ARHGAP24: variants seen among roughly 807,000 people sequenced by gnomAD.
The protein encoded by ARHGAP24 is rho GTPase-activating protein 24.
ARHGAP24 carries 50 observed loss-of-function variants against 76.4 expected under a neutral mutation model. The observed-to-expected ratio is 0.65, with a 90% CI of 0.52 to 0.83. The LOEUF (loss-of-function observed/expected upper bound fraction) is 0.83, where lower values mean the gene tolerates loss of function less well. ARHGAP24 is among the 40% of genes least tolerant of loss of function. The pLI is 0.00. For missense variants in ARHGAP24, 930 were observed against 914.2 expected, an observed-to-expected ratio of 1.02 and a Z score of -0.22; for synonymous variants, 345 against 323.3, an observed-to-expected ratio of 1.07 and a Z score of -0.72.
At chr4:85,761,386 C>T (rs1453756406) in intron 3 of ARHGAP24, among the ~76,000 whole-genome samples, 1 of 152,150 alleles carries the variant, frequency 6.6e-6, no homozygotes, top group Non-Finnish European at 1.5e-5. Flanking sequence ...TCATCTCTCA[C>T]CATTCACTGG....
intron 2 of ARHGAP24, among the ~76,000 whole-genome samples, chr4:85,625,283 G>A (rs1365058958): frequency 2.0e-5 from 3 of 151,970 alleles, no homozygotes; most frequent in Non-Finnish European, 2.9e-5. Flanking sequence ...CTTTGTTCTC[G>A]TTGGTTTCAA....
At chr4:85,781,539 A>G (rs577722332) in intron 3 of ARHGAP24, among the ~76,000 whole-genome samples, 2 of 149,102 alleles carry the variant, frequency 1.3e-5, no homozygotes, top group East Asian at 2.0e-4. Flanking sequence ...CATTGTGAAG[A>G]CTTTTGTATT....
At chr4:85,691,388 G>A (rs563206177) in intron 2 of ARHGAP24, among the ~76,000 whole-genome samples, 1 of 152,266 alleles carries the variant, frequency 6.6e-6, no homozygotes, top group Non-Finnish European at 1.5e-5. Context: ...CCAAGTTTAA[G>A]TCTAGAATCT....
In ARHGAP24 at chr4:85,538,501, G is replaced by A. The variant is rs77941232; in HGVS notation, c.-20-32021G>A. On this transcript the variant is annotated intron_variant, in intron 1 of 9. Coordinates refer to ENST00000395184, the MANE Select transcript of ARHGAP24 (RefSeq NM_001025616.3). Reference sequence around the variant, plus strand: ...ACTATACTTATTATGGTGTGCAATGGCCTCCAAGTGCCCCTCTGTAAGACA... The same window carrying A: ...ACTATACTTATTATGGTGTGCAATGACCTCCAAGTGCCCCTCTGTAAGACA... Among the ~76,000 whole-genome samples the A allele has an allele frequency of 6.4e-4, 98 of 152,158 alleles. No homozygotes were observed. In the East Asian group the frequency reaches 0.01, roughly 16 times the overall value.
intron 3 of ARHGAP24, among the ~76,000 whole-genome samples, chr4:85,811,963 G>C (rs559060762): frequency 4.6e-5 from 7 of 152,104 alleles, no homozygotes; most frequent in African/African-American, 1.7e-4. Flanking sequence ...ATCACCTAAG[G>C]TCAGGAGTTT....
intron 2 of ARHGAP24, among the ~76,000 whole-genome samples, chr4:85,603,364 G>A (rs73832882): frequency 0.017 from 2,651 of 152,208 alleles, 75 homozygotes; most frequent in African/African-American, 0.06. Flanking sequence ...TAGCTGTGAC[G>A]CACTTACCAT....
At chr4:85,873,500 T>G (rs1278216729) in intron 3 of ARHGAP24, among the ~76,000 whole-genome samples, 2 of 152,174 alleles carry the variant, frequency 1.3e-5, no homozygotes, top group Admixed American at 1.3e-4. Context: ...TTTACAAGGC[T>G]GAATAAGACA....
chr4:85,660,487 A>C (rs12640073), intron 2 of ARHGAP24, among the ~76,000 whole-genome samples: 142,994 of 152,210 alleles, frequency 0.94, 67,247 homozygotes, highest in African/African-American at 0.98. Flanking sequence ...AGGGAGAGGA[A>C]TTGGCTGAAT....
At chr4:85,645,804 T>C (rs1202079222) in intron 2 of ARHGAP24, among the ~76,000 whole-genome samples, 1 of 152,118 alleles carries the variant, frequency 6.6e-6, no homozygotes, top group Non-Finnish European at 1.5e-5. Flanking sequence ...GAAAAATATA[T>C]ATATGATAGC....
At chr4:85,596,014 T>TA (rs1487006191) in intron 2 of ARHGAP24, among the ~76,000 whole-genome samples, 12 of 151,974 alleles carry the variant, frequency 7.9e-5, no homozygotes, top group Admixed American at 7.9e-4. Context: ...TGCATGTAGA[T>TA]ACGTTCATCA....
At chr4:85,729,941 C>T (rs1425781648) in intron 3 of ARHGAP24, among the ~76,000 whole-genome samples, 1 of 152,150 alleles carries the variant, frequency 6.6e-6, no homozygotes, top group Non-Finnish European at 1.5e-5. Flanking sequence ...AGATGAAATA[C>T]TGATATAAAT....
intron 1 of ARHGAP24, among the ~76,000 whole-genome samples, chr4:85,531,046 G>A (rs577193458): frequency 6.6e-6 from 1 of 152,104 alleles, no homozygotes; most frequent in East Asian, 1.9e-4. Flanking sequence ...TTTTGTGTGT[G>A]TGCATGAAAT....
At chr4:85,560,193 T>TC (rs1442269016) in intron 1 of ARHGAP24, among the ~76,000 whole-genome samples, 3 of 152,032 alleles carry the variant, frequency 2.0e-5, no homozygotes, top group African/African-American at 7.2e-5. Context: ...TTGTCTTTTT[T>TC]ATTTGTCCTT....
chr4:85,936,457 C>T (rs184660669), intron 4 of ARHGAP24, among the ~76,000 whole-genome samples: 1 of 152,028 alleles, frequency 6.6e-6, no homozygotes, highest in African/African-American at 2.4e-5. Flanking sequence ...GTCCTTTATA[C>T]CTGGGACCCA....
chr4:85,884,215 T>G (rs1490229500), intron 3 of ARHGAP24, among the ~76,000 whole-genome samples: 1 of 152,126 alleles, frequency 6.6e-6, no homozygotes, highest in African/African-American at 2.4e-5. Flanking sequence ...TTTCAAAGAA[T>G]TTTTGCTCTA....
chr4:85,740,451 G>T (rs532365602), intron 3 of ARHGAP24, among the ~76,000 whole-genome samples: 63 of 152,114 alleles, frequency 4.1e-4, no homozygotes, highest in African/African-American at 1.5e-3. Flanking sequence ...TCGAACTCCT[G>T]ACCTCAAGTC....
At position 85,944,290 on chromosome 4, in the gene ARHGAP24, C is replaced by T. The variant is rs377690605; in HGVS notation, c.599+2017C>T. On this transcript the variant is annotated intron_variant, in intron 5 of 9. Coordinates refer to ENST00000395184, the MANE Select transcript of ARHGAP24 (RefSeq NM_001025616.3). Reference sequence around the variant, plus strand: ...ATAAATACTTTCTATTTTTGGATTACTTAGGATAAATTCTTAGCATTGGAG... The same window carrying T: ...ATAAATACTTTCTATTTTTGGATTATTTAGGATAAATTCTTAGCATTGGAG... 1.6e-4 allele frequency among the ~76,000 whole-genome samples: 25 copies of T among 152,266 alleles called. 1 individual carries two copies. The East Asian group carries it at 3.1e-3, about 19-fold the overall frequency.
intron 5 of ARHGAP24, among the ~76,000 whole-genome samples, chr4:85,964,731 CTGT>C (rs768970127): frequency 6.9e-4 from 105 of 152,130 alleles, no homozygotes; most frequent in East Asian, 3.9e-4. Context: ...TTTGAGGAGT[CTGT>C]TGTTTAGAAG....
intron 3 of ARHGAP24, 129 bp downstream of exon 3, chr4:85,722,101 G>A (rs1724967316): frequency 1.2e-6 from 1 of 827,124 alleles, no homozygotes; most frequent in East Asian, 2.7e-5. Flanking sequence ...GGTTAGTGTT[G>A]ACGCAGATAA....
Sources: allele counts gnomAD v4.1 joint callset (sites outside exome capture counted in the v4.1 genomes callset), GRCh38; gene constraint gnomAD v4.1.1; transcripts MANE v1.5; gene names NCBI Gene and HGNC (gene_info 2026-07-23, HGNC 2026-07-21).